SRCIN1: variants seen among roughly 807,000 people sequenced by gnomAD.
SRCIN1 encodes the protein SRC kinase signaling inhibitor 1.
A neutral mutation model predicts 116.2 loss-of-function variants in SRCIN1; 50 were observed. The ratio of observed to expected loss-of-function variants is 0.43; its 90% CI spans 0.34 to 0.54. The LOEUF (loss-of-function observed/expected upper bound fraction) is 0.54. Among genes scored for constraint, SRCIN1 ranks in the 20% least tolerant of loss-of-function variants. SRCIN1 has a pLI of 0.02. For synonymous variants in SRCIN1, 736 were observed against 750.0 expected (o/e 0.98, Z 0.30); for missense variants, 1,446 against 1,672.0 (o/e 0.86, Z 2.36).
chr17:38,596,200 G>C (rs1422610868), intron 1 of SRCIN1, among the ~76,000 whole-genome samples: 4 of 152,358 alleles, frequency 2.6e-5, no homozygotes, highest in African/African-American at 7.2e-5. Flanking sequence ...AGAGGAGCTG[G>C]AGAGAGGAGG....
At chr17:38,575,595 G>C (rs1490756583) in intron 2 of SRCIN1, among the ~76,000 whole-genome samples, 1 of 152,098 alleles carries the variant, frequency 6.6e-6, no homozygotes, top group East Asian at 1.9e-4. Flanking sequence ...CAAGGAAGCT[G>C]CTCCTTACCA....
At chr17:38,573,688 G>A (rs193223949) in intron 2 of SRCIN1, among the ~76,000 whole-genome samples, 3 of 152,266 alleles carry the variant, frequency 2.0e-5, no homozygotes, top group East Asian at 3.9e-4. Flanking sequence ...AGGACCTCTG[G>A]GCAGACAAGG....
chr17:38,544,719 C>G lies in SRCIN1; in HGVS notation c.3271-750G>C, dbSNP rs547076726. On this transcript the variant is annotated intron_variant, in intron 17 of 18. Transcript: ENST00000617146. The surrounding 1 kb of genome is among the most constrained non-coding windows in gnomAD (Gnocchi z 4.5). ...CCTCCCCCGGACTCTGCCTGCAAAC[C>G]CTGCTCTGGCACCAGGCTCCCAGGA... The G allele has an allele frequency of 6.6e-6, 1 of 152,188 alleles. No individual in the cohort carries two copies. Among genetic ancestry groups the G allele is most frequent in the Non-Finnish European group, 1.5e-5 (1 of 68,054 alleles). The allele number at this position is 152,188 out of a possible 1,614,324, so 9.4% of individuals were successfully genotyped here.
chr17:38,599,255 C>A (rs1908887039), intron 1 of SRCIN1, among the ~76,000 whole-genome samples: 1 of 152,168 alleles, frequency 6.6e-6, no homozygotes, highest in Non-Finnish European at 1.5e-5. Context: ...CAAGGTCACA[C>A]AGCAGTAGGG....
intron 1 of SRCIN1, among the ~76,000 whole-genome samples, chr17:38,584,316 A>G (rs1203064236): frequency 6.6e-6 from 1 of 152,236 alleles, no homozygotes; most frequent in Non-Finnish European, 1.5e-5. Flanking sequence ...TCTTTTCTCC[A>G]AGGAACCTCA....
rs1179169398 is a variant in SRCIN1, at chr17:38,579,112, AGGGGTAGAAGGTAT to A, written c.23-335_23-322del. 4.6e-5 allele frequency among the ~76,000 whole-genome samples: 7 copies of A among 152,214 alleles called. No individual in the cohort carries two copies. In the East Asian group the frequency reaches 1.3e-3, roughly 29 times the overall value. ...GCCAAGGGTTGGGGGTTTGGATGAA[AGGGGTAGAAGGTAT>A]CCTGAGACCCTCTCCAGCCACACAA... On this transcript the variant is annotated intron_variant, in intron 1 of 18. Transcript: ENST00000617146.
At chr17:38,573,104 G>A (rs1472331492) in intron 2 of SRCIN1, among the ~76,000 whole-genome samples, 8 of 152,196 alleles carry the variant, frequency 5.3e-5, no homozygotes, top group Non-Finnish European at 1.2e-4. Flanking sequence ...TTGGCTTGGA[G>A]TCCAACCTCT....
chr17:38,533,327 A>G lies in SRCIN1; in HGVS notation c.3522T>C (p.Phe1174=). 6.3e-7 allele frequency: 1 copy of G among 1,587,496 alleles called. No homozygotes were observed. The highest frequency in any genetic ancestry group is 2.3e-5 in the East Asian group (1 of 44,002). ...SRTSIPVLTS[F]GARNSSISF ...AGGAGATGGAAGAATTCCTTGCCCCAAAGGAAGTCAATACAGGGATAGAGG... is the reference window on the plus strand; with the variant it reads ...AGGAGATGGAAGAATTCCTTGCCCCGAAGGAAGTCAATACAGGGATAGAGG... The change falls in exon 19 of 19, where the codon TTT becomes TTC. Residue 1174 remains phenylalanine (F), a synonymous_variant. Transcript: ENST00000617146.
intron 2 of SRCIN1, among the ~76,000 whole-genome samples, chr17:38,577,946 G>A (rs1420568493): frequency 6.6e-6 from 1 of 152,144 alleles, no homozygotes; most frequent in Non-Finnish European, 1.5e-5. Flanking sequence ...GCCACGGGGT[G>A]GAACAGGGAG....
At chr17:38,593,091 G>T (rs1225812497) in intron 1 of SRCIN1, among the ~76,000 whole-genome samples, 1 of 152,192 alleles carries the variant, frequency 6.6e-6, no homozygotes, top group East Asian at 1.9e-4. Flanking sequence ...GTTCAAGAAA[G>T]GTTACATTAG....
intron 1 of SRCIN1, among the ~76,000 whole-genome samples, chr17:38,587,131 G>T (rs1256550719): frequency 6.6e-6 from 1 of 152,132 alleles, no homozygotes; most frequent in Non-Finnish European, 1.5e-5. Context: ...CCCTCAGACT[G>T]GGGCCTCCCT....
rs1397143905 is a variant in SRCIN1 at position 38,533,355 on chromosome 17, C to G, written c.3494G>C (p.Arg1165Thr). Residue 1165 changes from arginine (R) to threonine (T), a missense_variant, in exon 19 of 19, where the codon AGA becomes ACA. This residue lies in a region of SRCIN1 where 531 missense variants were observed against 633.9 expected (regional missense o/e 0.84). Transcript: ENST00000617146. ...SPVSEKPSAS[R>T]TSIPVLTSFG... ...GGAAGTCAATACAGGGATAGAGGTT[C>G]TGGAAGCCGAGGGCTTTTCTGAGAC... is the stretch of plus-strand genomic sequence containing the variant. 6.2e-7 allele frequency: 1 copy of G among 1,606,428 alleles called. No homozygotes were observed. Among genetic ancestry groups the G allele is most frequent in the South Asian group, 1.1e-5 (1 of 89,320 alleles).
intron 18 of SRCIN1, among the ~76,000 whole-genome samples, chr17:38,535,152 G>T (rs1172112391): frequency 6.9e-6 from 1 of 143,926 alleles, no homozygotes; most frequent in Admixed American, 6.8e-5. Context: ...TGTTTGTTTT[G>T]TTATTTATTT....
chr17:38,593,359 G>T (rs1476528348), intron 1 of SRCIN1, among the ~76,000 whole-genome samples: 1 of 152,102 alleles, frequency 6.6e-6, no homozygotes, highest in African/African-American at 2.4e-5. Context: ...TCTCCATGGC[G>T]CTGGGCCACA....
chr17:38,550,583 C>T (rs1192066343), intron 15 of SRCIN1, among the ~76,000 whole-genome samples: 1 of 152,172 alleles, frequency 6.6e-6, no homozygotes, highest in African/African-American at 2.4e-5. Flanking sequence ...AGAGTAAGTG[C>T]TTGATAAACA....
At chr17:38,578,300 G>C (rs887137901) in intron 2 of SRCIN1, among the ~76,000 whole-genome samples, 190 bp downstream of exon 2, 3 of 152,184 alleles carry the variant, frequency 2.0e-5, no homozygotes, top group Non-Finnish European at 4.4e-5. Flanking sequence ...TCCTCCCCAG[G>C]CTCCAGAAAA....
chr17:38,563,215 G>A lies in SRCIN1; in HGVS notation c.740+108C>T. ...TAGGGCTCTGGGAGGGGAGGGGAAA[G>A]GCTGAGGTCGGGTCAGGAAGGAGCT... On this transcript the variant is annotated intron_variant, in intron 5 of 18. Coordinates refer to ENST00000617146, the MANE Select transcript of SRCIN1 (RefSeq NM_025248.3). The surrounding 1 kb of genome is among the most constrained non-coding windows in gnomAD (Gnocchi z 5.8). 2 of 1,297,928 alleles carry A rather than the reference G, an allele frequency of 1.5e-6. No individual in the cohort carries two copies. Among genetic ancestry groups the A allele is most frequent in the South Asian group, 2.6e-5 (2 of 76,634 alleles). 80.4% of individuals were successfully genotyped at this position (1,297,928 alleles called of 1,614,324 possible).
At position 38,544,404 on chromosome 17, in the gene SRCIN1, C is replaced by A. The variant is rs1183459309; in HGVS notation, c.3271-435G>T. ...CAGAGGGGCAGCCCCAGGCCCACAT[C>A]CTCCTCCTAAGGGGAGGATGCAGGT... On this transcript the variant is annotated intron_variant, in intron 17 of 18. Transcript: ENST00000617146. This position sits in a 1 kb window ranked among gnomAD's most constrained non-coding sequence, Gnocchi z 4.5. 6.6e-6 allele frequency among the ~76,000 whole-genome samples: 1 copy of A among 152,128 alleles called. No individual in the cohort carries two copies. Among genetic ancestry groups the A allele is most frequent in the Non-Finnish European group, 1.5e-5 (1 of 67,992 alleles).
chr17:38,542,882 G>GCCTCTGAGTCTAGAA (rs941332052), intron 18 of SRCIN1: 1 of 344,972 alleles, frequency 2.9e-6, no homozygotes, highest in African/African-American at 2.2e-5. Flanking sequence ...CTAACGTCTT[G>GCCTCTGAGTCTAGAA]CCTCTGAGTC....
Sources: allele counts gnomAD v4.1 joint callset (sites outside exome capture counted in the v4.1 genomes callset), GRCh38; gene constraint gnomAD v4.1.1; regional missense constraint gnomAD v4.1.1; non-coding constraint Gnocchi (gnomAD v3.1); transcripts MANE v1.5; gene names NCBI Gene and HGNC (gene_info 2026-07-23, HGNC 2026-07-21).